Variants in SIMC1 observed in about 807,000 individuals in gnomAD.
SIMC1 encodes SUMO-interacting motif-containing protein 1.
A neutral mutation model predicts 82.3 loss-of-function variants in SIMC1; 55 were observed. That is an observed-to-expected ratio of 0.67 (90% CI 0.54 to 0.84). The LOEUF (loss-of-function observed/expected upper bound fraction) is 0.84, where lower values mean the gene tolerates loss of function less well. Among genes scored for constraint, SIMC1 ranks in the 40% least tolerant of loss-of-function variants. The pLI is 0.00. For missense variants in SIMC1, 915 were observed against 1,107.2 expected, an observed-to-expected ratio of 0.83 and a Z score of 2.46; for synonymous variants, 353 against 426.3, an observed-to-expected ratio of 0.83 and a Z score of 2.12.
At chr5:176,328,367 A>G (rs1765484071) in intron 7 of SIMC1, among the ~76,000 whole-genome samples, 1 of 152,190 alleles carries the variant, frequency 6.6e-6, no homozygotes, top group South Asian at 2.1e-4. Context: ...AAAATTGCTT[A>G]CATACAGAGA....
chr5:176,242,119 T>C (rs1301353116), intron 1 of SIMC1, among the ~76,000 whole-genome samples: 2 of 152,092 alleles, frequency 1.3e-5, no homozygotes, highest in African/African-American at 4.8e-5. Flanking sequence ...AGTGCAGAAA[T>C]TGATTAGTGT....
chr5:176,308,933 C>G, intron 4 of SIMC1: 6 of 1,188,304 alleles, frequency 5.0e-6, no homozygotes, highest in Non-Finnish European at 7.6e-6. Context: ...GGAGGACAGA[C>G]TGGAGCAAAA....
chr5:176,257,175 A>G (rs1271674669), intron 1 of SIMC1, among the ~76,000 whole-genome samples: 1 of 152,138 alleles, frequency 6.6e-6, no homozygotes. Context: ...ATAGTTTGAT[A>G]TATCTTTCGG....
intron 1 of SIMC1, among the ~76,000 whole-genome samples, chr5:176,250,035 G>A (rs950328654): frequency 6.6e-5 from 10 of 151,848 alleles, no homozygotes; most frequent in East Asian, 5.8e-4. Flanking sequence ...AGATCTTTCC[G>A]GCTTTTTCCT....
At chr5:176,313,970 T>C in intron 5 of SIMC1, 125 bp downstream of exon 5, 1 of 1,244,260 alleles carries the variant, frequency 8.0e-7, no homozygotes, top group African/African-American at 1.5e-5. Context: ...GGGCTAATTT[T>C]TAAAACTATA....
chr5:176,333,916 C>T, intron 7 of SIMC1, among the ~76,000 whole-genome samples: 1 of 151,266 alleles, frequency 6.6e-6, no homozygotes, highest in Non-Finnish European at 1.5e-5. Flanking sequence ...TTTTTAATTC[C>T]CCCAGTGCCC....
At chr5:176,297,161 A>C (rs1763851030) in intron 4 of SIMC1, among the ~76,000 whole-genome samples, 1 of 152,196 alleles carries the variant, frequency 6.6e-6, no homozygotes, top group South Asian at 2.1e-4. Context: ...ATCAGTAGCC[A>C]GGTTACCTAC....
intron 4 of SIMC1, among the ~76,000 whole-genome samples, chr5:176,306,278 G>T (rs183766812): frequency 0.026 from 3,338 of 127,486 alleles, 75 homozygotes; most frequent in Middle Eastern, 0.053. Flanking sequence ...CGCCCCGTCC[G>T]GGAGGGAGGT....
chr5:176,284,490 C>T (rs1028595961), intron 1 of SIMC1, among the ~76,000 whole-genome samples: 1 of 152,120 alleles, frequency 6.6e-6, no homozygotes, highest in East Asian at 1.9e-4. Flanking sequence ...AACAAAGACA[C>T]AACATACCAG....
At chr5:176,336,654 A>G in intron 7 of SIMC1, 66 bp from the exon 8 acceptor site, 1 of 1,576,922 alleles carries the variant, frequency 6.3e-7, no homozygotes, top group Non-Finnish European at 8.6e-7. Context: ...TTCAGGGTGA[A>G]TTGTGGCTCA....
At chr5:176,284,796 A>G (rs1763189608) in intron 1 of SIMC1, among the ~76,000 whole-genome samples, 1 of 152,214 alleles carries the variant, frequency 6.6e-6, no homozygotes, top group South Asian at 2.1e-4. Context: ...AGAAATACAA[A>G]CTAACCTCAG....
chr5:176,279,130 C>T (rs900726613), intron 1 of SIMC1, among the ~76,000 whole-genome samples: 4 of 152,150 alleles, frequency 2.6e-5, no homozygotes, highest in African/African-American at 9.7e-5. Context: ...ATTTCAGATC[C>T]TGTTATTGGT....
chr5:176,322,449 C>A, intron 6 of SIMC1, 24 bp downstream of exon 6: 1 of 1,598,616 alleles, frequency 6.3e-7, no homozygotes, highest in Non-Finnish European at 8.5e-7. Flanking sequence ...AGTTCTCTTT[C>A]CTGGGGCTCT....
rs574451179 is a variant in SIMC1, at chr5:176,306,640, T to G, written c.1735-7051T>G. Among the ~76,000 whole-genome samples, 13 of 151,820 alleles carry G rather than the reference T, an allele frequency of 8.6e-5. No homozygotes were observed. The East Asian group carries it at 2.0e-3, about 23-fold the overall frequency. ...CCAACCCTGTGCTCTCTGAAACATGTGCTGTGTCCACTCAGGGTTAAAAGG... is the reference window on the plus strand; with the variant it reads ...CCAACCCTGTGCTCTCTGAAACATGGGCTGTGTCCACTCAGGGTTAAAAGG... On this transcript the variant is annotated intron_variant, in intron 4 of 9. Coordinates refer to ENST00000429602, the MANE Select transcript of SIMC1 (RefSeq NM_001308195.2).
At chr5:176,306,855 G>T (rs1764438868) in intron 4 of SIMC1, among the ~76,000 whole-genome samples, 1 of 151,104 alleles carries the variant, frequency 6.6e-6, no homozygotes, top group Non-Finnish European at 1.5e-5. Flanking sequence ...CTCCACTGTT[G>T]TCCCATGACC....
intron 4 of SIMC1, among the ~76,000 whole-genome samples, chr5:176,310,825 A>T (rs1299545370): frequency 2.0e-5 from 3 of 152,228 alleles, no homozygotes; most frequent in Non-Finnish European, 4.4e-5. Flanking sequence ...ACACAAATGA[A>T]TGCATGTAAA....
At chr5:176,287,669 A>G (rs1763355213) in intron 1 of SIMC1, among the ~76,000 whole-genome samples, 1 of 151,764 alleles carries the variant, frequency 6.6e-6, no homozygotes, top group African/African-American at 2.4e-5. Flanking sequence ...AATAAAATGT[A>G]AGCAAACACT....
intron 1 of SIMC1, among the ~76,000 whole-genome samples, chr5:176,277,410 C>T (rs1368242992): frequency 6.6e-6 from 1 of 151,902 alleles, no homozygotes; most frequent in Non-Finnish European, 1.5e-5. Flanking sequence ...CCTGTTCACT[C>T]TGATGGTAGT....
At chr5:176,308,633 C>A in intron 4 of SIMC1, 3 of 1,583,476 alleles carry the variant, frequency 1.9e-6, no homozygotes, top group Non-Finnish European at 2.6e-6. Flanking sequence ...GTCCACAAGA[C>A]TTCTGGAGCT....
Sources: gnomAD v4.1 joint callset for allele counts (sites outside exome capture counted in the v4.1 genomes callset) on GRCh38, gnomAD v4.1.1 for gene constraint, MANE v1.5 for transcripts, NCBI Gene and HGNC (gene_info 2026-07-23, HGNC 2026-07-21) for gene names.